Variants in GPHN observed in about 807,000 individuals in gnomAD.
GPHN encodes gephyrin.
Under a neutral mutation model 95.5 loss-of-function variants are expected in GPHN, and 17 were observed. That is an observed-to-expected ratio of 0.18 (90% confidence interval 0.12 to 0.27). The LOEUF is 0.27. GPHN is among the 10% of genes least tolerant of loss of function. The pLI is 1.00. For synonymous variants in GPHN, 320 were observed against 322.5 expected, an observed-to-expected ratio of 0.99 and a Z score of 0.08; for missense variants, 660 against 978.1, an observed-to-expected ratio of 0.67 and a Z score of 4.34.
At chr14:66,819,074 A>G (rs1166085555) in intron 3 of GPHN, among the ~76,000 whole-genome samples, 1 of 152,220 alleles carries the variant, frequency 6.6e-6, no homozygotes, top group Non-Finnish European at 1.5e-5. Context: ...GTTGCTATAA[A>G]GAAGCTCTTT....
intron 1 of GPHN, among the ~76,000 whole-genome samples, chr14:66,548,417 A>G (rs554594053): frequency 6.6e-6 from 1 of 151,918 alleles, no homozygotes; most frequent in Non-Finnish European, 1.5e-5. Context: ...CTGACCTCAG[A>G]TGATCCACCT....
At chr14:66,853,474 T>C (rs573074465) in intron 4 of GPHN, among the ~76,000 whole-genome samples, 22 of 152,280 alleles carry the variant, frequency 1.4e-4, no homozygotes, top group Non-Finnish European at 2.5e-4. Context: ...TGACACACAG[T>C]TCCACATGGC....
At chr14:67,640,911 G>A in the GPHN span, among the ~76,000 whole-genome samples, 3 of 152,164 alleles carry the variant, frequency 2.0e-5, no homozygotes, top group African/African-American at 4.8e-5. Context: ...ATCCAAAATC[G>A]GAAATGTTCC....
At chr14:67,405,523 A>G in the GPHN span, among the ~76,000 whole-genome samples, 10 of 152,190 alleles carry the variant, frequency 6.6e-5, no homozygotes, top group African/African-American at 2.2e-4. Flanking sequence ...GATGACTGGC[A>G]TGGCCTCAGT....
chr14:67,025,026 G>A (rs759679519), intron 10 of GPHN, among the ~76,000 whole-genome samples: 4 of 152,054 alleles, frequency 2.6e-5, no homozygotes, highest in Non-Finnish European at 5.9e-5. Flanking sequence ...GAGCCCCTTT[G>A]AACCTCCAAT....
chr14:67,488,089 C>G, the GPHN span, among the ~76,000 whole-genome samples: 1 of 152,236 alleles, frequency 6.6e-6, no homozygotes, highest in African/African-American at 2.4e-5. Context: ...CCAGCATGGC[C>G]CTCTGGGACA....
intron 11 of GPHN, among the ~76,000 whole-genome samples, chr14:67,082,072 G>A (rs917334813): frequency 6.6e-6 from 1 of 152,110 alleles, no homozygotes; most frequent in Non-Finnish European, 1.5e-5. Context: ...TCTTGCTTTG[G>A]CTGTGTGGGC....
intron 1 of GPHN, among the ~76,000 whole-genome samples, chr14:66,612,289 GTATT>G (rs1262431080): frequency 1.3e-5 from 2 of 150,300 alleles, no homozygotes; most frequent in East Asian, 2.0e-4. Flanking sequence ...TAATTTTTTT[GTATT>G]TATTTATTTA....
chr14:66,946,728 A>T (rs926247622), intron 8 of GPHN, among the ~76,000 whole-genome samples: 1 of 152,186 alleles, frequency 6.6e-6, no homozygotes, highest in African/African-American at 2.4e-5. Context: ...TAAGTGAACC[A>T]GTTTTATAAG....
the GPHN span, among the ~76,000 whole-genome samples, chr14:67,631,430 C>CTTTTTTTTT: frequency 4.1e-4 from 53 of 128,470 alleles, no homozygotes; most frequent in African/African-American, 6.3e-4. Flanking sequence ...TCCTTTCTTT[C>CTTTTTTTTT]TTTCTTTTTT....
intron 17 of GPHN, among the ~76,000 whole-genome samples, chr14:67,125,691 C>T (rs933239954): frequency 1.3e-5 from 2 of 151,666 alleles, no homozygotes; most frequent in African/African-American, 2.4e-5. Context: ...GCAGGGGAAT[C>T]GCTTGAATGT....
At chr14:66,649,101 G>T (rs1268706284) in intron 1 of GPHN, among the ~76,000 whole-genome samples, 1 of 152,202 alleles carries the variant, frequency 6.6e-6, no homozygotes, top group Non-Finnish European at 1.5e-5. Flanking sequence ...GGAGGCCGAG[G>T]CCGGTGGATT....
chr14:67,670,796 G>T, the GPHN span, among the ~76,000 whole-genome samples: 1 of 152,114 alleles, frequency 6.6e-6, no homozygotes, highest in Non-Finnish European at 1.5e-5. Flanking sequence ...AAAGTGATGG[G>T]ACTACCAGCA....
the GPHN span, among the ~76,000 whole-genome samples, chr14:67,654,856 C>T: frequency 6.7e-4 from 101 of 151,810 alleles, 2 homozygotes; most frequent in East Asian, 0.014. Flanking sequence ...GGTGAAACCC[C>T]GTCTCTACTA....
intron 18 of GPHN, 122 bp downstream of exon 18, chr14:67,143,571 G>A (rs550258221): frequency 9.3e-5 from 71 of 759,652 alleles, no homozygotes; most frequent in Admixed American, 8.7e-4. Context: ...GAAAATCCAT[G>A]GGGCTTCAGA....
At chr14:67,469,980 C>T in the GPHN span, among the ~76,000 whole-genome samples, 2 of 152,316 alleles carry the variant, frequency 1.3e-5, no homozygotes, top group African/African-American at 4.8e-5. Flanking sequence ...TGGATACTGC[C>T]TGAGATCCCC....
intron 2 of GPHN, among the ~76,000 whole-genome samples, chr14:66,772,800 A>G (rs1423313103): frequency 1.3e-5 from 2 of 152,188 alleles, no homozygotes; most frequent in Non-Finnish European, 2.9e-5. Context: ...ATGAAAATAA[A>G]TTTTTAAACA....
chr14:66,698,185 C>A (rs1716038328), intron 2 of GPHN, among the ~76,000 whole-genome samples: 1 of 151,964 alleles, frequency 6.6e-6, no homozygotes, highest in South Asian at 2.1e-4. Flanking sequence ...TTAAAAAATA[C>A]ATTTTGAAAA....
At chr14:67,392,864 C>T in the GPHN span, 1 of 1,599,128 alleles carries the variant, frequency 6.3e-7, no homozygotes. Flanking sequence ...CCAAGGGCAG[C>T]ACCAGTCAGG....
Sources: allele counts gnomAD v4.1 joint callset (sites outside exome capture counted in the v4.1 genomes callset), GRCh38; gene constraint gnomAD v4.1.1; transcripts MANE v1.5; gene names NCBI Gene and HGNC (gene_info 2026-07-23, HGNC 2026-07-21).